The following AGAP1 variants were observed in gnomAD, a reference collection of about 807,000 sequenced individuals.
AGAP1 encodes the protein arf-GAP with GTPase, ANK repeat and PH domain-containing protein 1.
AGAP1 carries 29 observed loss-of-function variants against 105.3 expected under a neutral mutation model. The ratio of observed to expected loss-of-function variants is 0.28; its 90% CI spans 0.21 to 0.38. AGAP1 has a LOEUF of 0.38. Ranked by LOEUF, AGAP1 falls within the 10% of genes least tolerant of loss-of-function variation. The probability of loss-of-function intolerance (pLI) is 1.00; values close to 1 mark genes in which losing one functional copy is unlikely to be tolerated. For missense variants in AGAP1, 998 were observed against 1,165.1 expected, an observed-to-expected ratio of 0.86 and a Z score of 2.09; for synonymous variants, 509 against 485.9, an observed-to-expected ratio of 1.05 and a Z score of -0.63.
At position 236,128,211 on chromosome 2, in the gene AGAP1, A is replaced by G. The variant is rs551121899; in HGVS notation, c.*4089A>G. The G allele has an allele frequency of 1.3e-5, 2 of 152,168 alleles. No homozygotes were observed. Among genetic ancestry groups the G allele is most frequent in the African/African-American group, 4.8e-5 (2 of 41,458 alleles). 9.4% of individuals were successfully genotyped at this position (152,168 alleles called of 1,614,324 possible). A position where few individuals can be genotyped will look rare whatever the true frequency, so the allele number is the denominator to read the frequency against. Reference sequence around the variant, plus strand: ...CTGGAACCTGCCCACTTTTCTCAACATGTATATTCTGCTTTGTAGTCTGAG... The same window carrying G: ...CTGGAACCTGCCCACTTTTCTCAACGTGTATATTCTGCTTTGTAGTCTGAG... On this transcript the variant is annotated 3_prime_UTR_variant, in exon 18 of 18. Transcript: ENST00000304032. The surrounding 1 kb of genome is among the most constrained non-coding windows in gnomAD (Gnocchi z 5.9).
In AGAP1 at chr2:236,061,611, A is replaced by G. The variant is rs1305283982; in HGVS notation, c.2114+12330A>G. On this transcript the variant is annotated intron_variant, in intron 16 of 17. Coordinates refer to ENST00000304032, the MANE Select transcript of AGAP1 (RefSeq NM_001037131.3). The surrounding 1 kb of genome is among the most constrained non-coding windows in gnomAD (Gnocchi z 4.1). ...AAAGGAAGCAGGCACAGAAGGCCAC[A>G]CCGTGTACCATTCCATCTGTCTGAT... 1.3e-5 allele frequency among the ~76,000 whole-genome samples: 2 copies of G among 152,136 alleles called. No individual in the cohort carries two copies. Among genetic ancestry groups the G allele is most frequent in the East Asian group, 3.9e-4 (2 of 5,178 alleles).
chr2:235,661,260 G>A (rs1455737434), intron 1 of AGAP1, among the ~76,000 whole-genome samples: 1 of 152,124 alleles, frequency 6.6e-6, no homozygotes, highest in Admixed American at 6.5e-5. Context: ...TTGAGGGCTG[G>A]AGGGAGGGAG....
chr2:235,519,708 T>C (rs1265252342), intron 1 of AGAP1, among the ~76,000 whole-genome samples: 1 of 152,168 alleles, frequency 6.6e-6, no homozygotes, highest in Non-Finnish European at 1.5e-5. Context: ...CGTAATGATC[T>C]CCTGTGTACC....
chr2:235,953,116 G>A lies in AGAP1; in HGVS notation c.1484-15346G>A, dbSNP rs1157531874. Reference sequence around the variant, plus strand: ...TCCAATAAAGGCTTGGGAGTCGCAAGGATCCCTTTTCATAATGAAACTTCC... The same window carrying A: ...TCCAATAAAGGCTTGGGAGTCGCAAAGATCCCTTTTCATAATGAAACTTCC... On this transcript the variant is annotated intron_variant, in intron 12 of 17. Transcript: ENST00000304032. This position sits in a 1 kb window ranked among gnomAD's most constrained non-coding sequence, Gnocchi z 5.2. 6.6e-6 allele frequency among the ~76,000 whole-genome samples: 1 copy of A among 152,200 alleles called. No homozygotes were observed. Among genetic ancestry groups the A allele is most frequent in the Non-Finnish European group, 1.5e-5 (1 of 68,024 alleles).
At position 235,577,317 on chromosome 2, in the gene AGAP1, C is replaced by A. The variant is rs891635905; in HGVS notation, c.163+82468C>A. ...GCTTTGGGTGGTGCTGTGTAATGTT[C>A]ATTCATCGCACATTTCAATTCGGCC... is the stretch of plus-strand genomic sequence containing the variant. On this transcript the variant is annotated intron_variant, in intron 1 of 17. Coordinates refer to ENST00000304032, the MANE Select transcript of AGAP1 (RefSeq NM_001037131.3). The surrounding 1 kb of genome is among the most constrained non-coding windows in gnomAD (Gnocchi z 4.5). Among the ~76,000 whole-genome samples, 1 of 152,176 alleles carries A rather than the reference C, an allele frequency of 6.6e-6. No individual in the cohort carries two copies. The highest frequency in any genetic ancestry group is 2.4e-5 in the African/African-American group (1 of 41,432).
intron 1 of AGAP1, among the ~76,000 whole-genome samples, chr2:235,505,364 G>A (rs895251727): frequency 5.3e-5 from 8 of 152,202 alleles, no homozygotes; most frequent in South Asian, 2.1e-4. Flanking sequence ...AAGGACACGC[G>A]GGGCCATGGA....
chr2:235,770,100 T>C (rs1378079340), intron 6 of AGAP1, among the ~76,000 whole-genome samples: 8 of 149,580 alleles, frequency 5.3e-5, no homozygotes, highest in Non-Finnish European at 1.2e-4. Flanking sequence ...ATAACACATA[T>C]ATATACACAC....
intron 16 of AGAP1, among the ~76,000 whole-genome samples, chr2:236,067,029 T>C (rs72973059): frequency 0.11 from 16,196 of 152,218 alleles, 1,356 homozygotes; most frequent in African/African-American, 0.22. Context: ...AACCAATTTT[T>C]TTTTTTTTTA....
chr2:235,562,213 T>G (rs1242140222), intron 1 of AGAP1, among the ~76,000 whole-genome samples: 4 of 152,226 alleles, frequency 2.6e-5, no homozygotes, highest in Non-Finnish European at 5.9e-5. Flanking sequence ...TGATTGAAAC[T>G]GTACCTTTAT....
chr2:236,091,091 C>G lies in AGAP1; in HGVS notation c.2115-29101C>G, dbSNP rs368140437. On this transcript the variant is annotated intron_variant, in intron 16 of 17. Coordinates refer to ENST00000304032, the MANE Select transcript of AGAP1 (RefSeq NM_001037131.3). Reference sequence around the variant, plus strand: ...AACACATCAATCCGCTGCCTGCATGCCCTGTCCTTGGCCACGTGTTTTCTA... The same window carrying G: ...AACACATCAATCCGCTGCCTGCATGGCCTGTCCTTGGCCACGTGTTTTCTA... Among the ~76,000 whole-genome samples, 3 of 152,338 alleles carry G rather than the reference C, an allele frequency of 2.0e-5. No individual in the cohort carries two copies. In the South Asian group the frequency reaches 6.2e-4, roughly 32 times the overall value.
Position 236,078,146 on chromosome 2 carries a change from C to G in AGAP1, c.2114+28865C>G, listed in dbSNP as rs920584574. ...TGTAATCTGAAGTGTGTAGGGCAGG[C>G]CAGCCGGGGGTGTGTGTGTGTGTGT... On this transcript the variant is annotated intron_variant, in intron 16 of 17. Coordinates refer to ENST00000304032, the MANE Select transcript of AGAP1 (RefSeq NM_001037131.3). This position sits in a 1 kb window ranked among gnomAD's most constrained non-coding sequence, Gnocchi z 5.3. Among the ~76,000 whole-genome samples, 15 of 146,876 alleles carry G rather than the reference C, an allele frequency of 1.0e-4. No homozygotes were observed. Among genetic ancestry groups the G allele is most frequent in the African/African-American group, 3.4e-4 (13 of 38,766 alleles).
chr2:235,770,537 C>G lies in AGAP1; in HGVS notation c.673+20049C>G, dbSNP rs181339775. Among the ~76,000 whole-genome samples the G allele has an allele frequency of 1.1e-4, 16 of 152,248 alleles. No individual in the cohort carries two copies. In the East Asian group the frequency reaches 2.9e-3, roughly 28 times the overall value. ...CCGCCTCCTAGGTTCAAGTGATTCT[C>G]AAGTGGGGGCTCCGGAGGGTTCCTG... On this transcript the variant is annotated intron_variant, in intron 6 of 17. Transcript: ENST00000304032.
intron 16 of AGAP1, among the ~76,000 whole-genome samples, chr2:236,057,190 C>T (rs1418586014): frequency 6.6e-6 from 1 of 152,220 alleles, no homozygotes; most frequent in East Asian, 1.9e-4. Context: ...CTCACTGCAA[C>T]CTCTGTCTCC....
chr2:235,814,155 G>A (rs116233449), intron 9 of AGAP1, among the ~76,000 whole-genome samples: 2 of 152,192 alleles, frequency 1.3e-5, no homozygotes, highest in Admixed American at 6.5e-5. Context: ...GTGTTTGGGC[G>A]CAAGAACTGG....
chr2:235,797,820 G>A lies in AGAP1; in HGVS notation c.735G>A (p.Ser245=), dbSNP rs751233872. Residue 245 remains serine (S), a synonymous_variant, in exon 7 of 18, where the codon TCG becomes TCA. Coordinates refer to ENST00000304032, the MANE Select transcript of AGAP1 (RefSeq NM_001037131.3). Reference sequence around the variant, plus strand: ...AGCTGTCCATAGGACCCTGCAAGTCGCTACCTAATTCTCCCAGCCATTCCT... The same window carrying A: ...AGCTGTCCATAGGACCCTGCAAGTCACTACCTAATTCTCCCAGCCATTCCT... The part of the protein sequence containing the change: ...KQQLSIGPCK[S]LPNSPSHSSV... 9 of 1,614,128 alleles carry A rather than the reference G, an allele frequency of 5.6e-6. No individual in the cohort carries two copies. The highest frequency in any genetic ancestry group is 2.2e-5 in the East Asian group (1 of 44,888).
chr2:235,745,736 G>A (rs934968710), intron 5 of AGAP1, among the ~76,000 whole-genome samples: 5 of 152,224 alleles, frequency 3.3e-5, no homozygotes, highest in Non-Finnish European at 5.9e-5. Context: ...TGTACATACT[G>A]CACTAGGTGT....
rs79090493 is a variant in AGAP1 at position 235,710,174 on chromosome 2, C to T, written c.222+937C>T. Among the ~76,000 whole-genome samples the T allele has an allele frequency of 2.9e-3, 440 of 152,250 alleles. 15 individuals are homozygous for T. The East Asian group carries it at 0.071, about 25-fold the overall frequency. On this transcript the variant is annotated intron_variant, in intron 2 of 17. Coordinates refer to ENST00000304032, the MANE Select transcript of AGAP1 (RefSeq NM_001037131.3). ...TGATAGCACCAGATCCCCTGCGGCC[C>T]GTGGACTCCTCCCCACTGACCCCAA...
chr2:235,547,274 A>C (rs986387566), intron 1 of AGAP1, among the ~76,000 whole-genome samples: 1 of 152,036 alleles, frequency 6.6e-6, no homozygotes, highest in Middle Eastern at 3.2e-3. Context: ...CTCTTTAGCA[A>C]GTCTCTACTT....
intron 12 of AGAP1, among the ~76,000 whole-genome samples, chr2:235,940,946 C>G (rs1159717355): frequency 1.3e-5 from 2 of 152,132 alleles, no homozygotes; most frequent in African/African-American, 4.8e-5. Flanking sequence ...AGGAATAGTC[C>G]AAGTGGTGGC....
Sources: allele counts gnomAD v4.1 joint callset (sites outside exome capture counted in the v4.1 genomes callset), GRCh38; gene constraint gnomAD v4.1.1; non-coding constraint Gnocchi (gnomAD v3.1); transcripts MANE v1.5; gene names NCBI Gene and HGNC (gene_info 2026-07-23, HGNC 2026-07-21).